Variants in ZNF277 observed in about 807,000 individuals in gnomAD.
ZNF277 encodes the protein zinc finger protein 277.
Under a neutral mutation model 60.7 loss-of-function variants are expected in ZNF277, and 55 were observed. The observed-to-expected ratio is 0.91, with a 90% CI of 0.73 to 1.13. ZNF277 has a LOEUF of 1.13. ZNF277 is among the 50% of genes most tolerant of loss of function. ZNF277 has a pLI of 0.00. For missense variants in ZNF277, 510 were observed against 523.0 expected (o/e 0.98, Z 0.24); for synonymous variants, 178 against 179.3 (o/e 0.99, Z 0.06).
At position 112,269,596 on chromosome 7, in the gene ZNF277, A is replaced by T. The variant is rs556267261; in HGVS notation, c.92-17277A>T. 7.2e-5 allele frequency among the ~76,000 whole-genome samples: 11 copies of T among 152,256 alleles called. No individual in the cohort carries two copies. The Middle Eastern group carries it at 0.014, about 188-fold the overall frequency. ...TATCACAGTGGACATTGGCATATGC[A>T]AGAAGACTTGTAGCACTTCACTAAA... is the stretch of plus-strand genomic sequence containing the variant. On this transcript the variant is annotated intron_variant, in intron 1 of 11. Coordinates refer to ENST00000361822, the MANE Select transcript of ZNF277 (RefSeq NM_021994.3).
At chr7:112,289,014 CAT>C (rs1792140100) in intron 2 of ZNF277, 1 of 133,642 alleles carries the variant, frequency 7.5e-6, no homozygotes, top group African/African-American at 2.9e-5. Context: ...GTGCCTGAGA[CAT>C]GTGTACCTGA....
intron 1 of ZNF277, among the ~76,000 whole-genome samples, chr7:112,282,020 A>G (rs1470805334): frequency 6.6e-6 from 1 of 151,940 alleles, no homozygotes; most frequent in Non-Finnish European, 1.5e-5. Context: ...TTCAGTAGAG[A>G]CGGGGTTTCA....
At chr7:112,263,468 A>G (rs933953534) in intron 1 of ZNF277, among the ~76,000 whole-genome samples, 1 of 152,234 alleles carries the variant, frequency 6.6e-6, no homozygotes, top group African/African-American at 2.4e-5. Flanking sequence ...CAGAGACTAC[A>G]TGTAAAATTC....
At chr7:112,215,862 G>T (rs1821866287) in intron 1 of ZNF277, among the ~76,000 whole-genome samples, 1 of 152,062 alleles carries the variant, frequency 6.6e-6, no homozygotes, top group African/African-American at 2.4e-5. Flanking sequence ...TTGTAATCGT[G>T]GTTATTTAAC....
At chr7:112,215,391 A>G (rs888261800) in intron 1 of ZNF277, among the ~76,000 whole-genome samples, 7 of 152,254 alleles carry the variant, frequency 4.6e-5, no homozygotes, top group African/African-American at 1.7e-4. Flanking sequence ...GGACAGTGTC[A>G]TGTTGTGATG....
chr7:112,254,426 A>G (rs879874449), intron 1 of ZNF277, among the ~76,000 whole-genome samples: 3 of 152,226 alleles, frequency 2.0e-5, no homozygotes, highest in Non-Finnish European at 4.4e-5. Context: ...ACTGGTGTAC[A>G]GGATAGGCAG....
intron 1 of ZNF277, among the ~76,000 whole-genome samples, chr7:112,273,707 G>A (rs1160642584): frequency 6.6e-6 from 1 of 152,112 alleles, no homozygotes; most frequent in African/African-American, 2.4e-5. Flanking sequence ...TGGAAAAGAT[G>A]TAGATTCTTC....
chr7:112,251,985 A>T (rs1181094747), intron 1 of ZNF277, among the ~76,000 whole-genome samples: 1 of 152,160 alleles, frequency 6.6e-6, no homozygotes, highest in East Asian at 1.9e-4. Context: ...AGTAAGGAGG[A>T]TAGATTTTTC....
chr7:112,232,132 A>C (rs1822356750), intron 1 of ZNF277, among the ~76,000 whole-genome samples: 1 of 150,092 alleles, frequency 6.7e-6, no homozygotes, highest in Non-Finnish European at 1.5e-5. Context: ...TAAGTGTCAT[A>C]TGTGAAAGAC....
chr7:112,275,248 C>T (rs1791766483), intron 1 of ZNF277, among the ~76,000 whole-genome samples: 1 of 152,146 alleles, frequency 6.6e-6, no homozygotes, highest in African/African-American at 2.4e-5. Context: ...ACACAGTATA[C>T]ACCCAGCCTT....
chr7:112,324,602 A>G (rs1246214929), intron 5 of ZNF277, among the ~76,000 whole-genome samples: 2 of 152,188 alleles, frequency 1.3e-5, no homozygotes, highest in East Asian at 3.8e-4. Flanking sequence ...TTTACCAACC[A>G]GCAACTGTGG....
chr7:112,294,020 A>C (rs1386493217), intron 2 of ZNF277, among the ~76,000 whole-genome samples: 1 of 152,232 alleles, frequency 6.6e-6, no homozygotes, highest in Non-Finnish European at 1.5e-5. Flanking sequence ...AATTTAGAGG[A>C]ATAATCCATC....
chr7:112,287,520 T>C (rs1192204200), intron 2 of ZNF277: 1 of 151,200 alleles, frequency 6.6e-6, no homozygotes, highest in African/African-American at 2.5e-5. Context: ...TCTTTTGTAC[T>C]TCTGAGACTT....
intron 1 of ZNF277, among the ~76,000 whole-genome samples, chr7:112,284,929 G>A (rs1386337444): frequency 1.3e-5 from 2 of 152,074 alleles, no homozygotes; most frequent in Non-Finnish European, 2.9e-5. Context: ...CTTTAACCTT[G>A]GTAGCACTGA....
intron 2 of ZNF277, among the ~76,000 whole-genome samples, chr7:112,293,011 G>A (rs1418537238): frequency 1.3e-5 from 2 of 151,920 alleles, no homozygotes; most frequent in South Asian, 4.2e-4. Flanking sequence ...CAGAATTTTG[G>A]ACAGCGTGCT....
In ZNF277 at chr7:112,286,849, T is replaced by TTTTTTTTG. The variant is rs1792076644; in HGVS notation, c.92-17_92-16insGTTTTTTT. ...TCAGCTTTTCTTTCTTTCTTTTTTT[T>TTTTTTTTG]TTTTTTTTTTTGGTCTATTCCAGAC... On this transcript the variant is annotated intron_variant, in intron 1 of 11. Transcript: ENST00000361822. 4.4e-5 allele frequency: 60 copies of TTTTTTTTG among 1,356,316 alleles called. 1 individual carries two copies. The South Asian group carries it at 9.5e-4, about 21-fold the overall frequency. The allele number at this position is 1,356,316 out of a possible 1,614,324, so 84.0% of individuals were successfully genotyped here.
intron 1 of ZNF277, among the ~76,000 whole-genome samples, chr7:112,232,831 C>G (rs1822376509): frequency 6.6e-6 from 1 of 152,064 alleles, no homozygotes; most frequent in Non-Finnish European, 1.5e-5. Context: ...TTCCAAAAGC[C>G]TAAGGTTTTC....
chr7:112,257,871 T>C (rs137908316), intron 1 of ZNF277, among the ~76,000 whole-genome samples: 1,928 of 152,178 alleles, frequency 0.013, 43 homozygotes, highest in African/African-American at 0.044. Flanking sequence ...TGGGGTGCAG[T>C]GGCCCATTCG....
chr7:112,321,877 A>C (rs1015915887), intron 5 of ZNF277, among the ~76,000 whole-genome samples: 7 of 152,128 alleles, frequency 4.6e-5, no homozygotes, highest in Non-Finnish European at 1.0e-4. Context: ...GTATGTAAGG[A>C]GTTGACTTTT....
Sources: gnomAD v4.1 joint callset for allele counts (sites outside exome capture counted in the v4.1 genomes callset) on GRCh38, gnomAD v4.1.1 for gene constraint, MANE v1.5 for transcripts, NCBI Gene and HGNC (gene_info 2026-07-23, HGNC 2026-07-21) for gene names.